The following BTBD9 variants were observed in gnomAD, a reference collection of about 807,000 sequenced individuals.
BTBD9 encodes BTB domain containing 9.
BTBD9 carries 49 observed loss-of-function variants against 64.3 expected under a neutral mutation model. The ratio of observed to expected loss-of-function variants is 0.76; its 90% CI spans 0.61 to 0.97. The LOEUF is 0.97. Among genes scored for constraint, BTBD9 ranks in the 50% least tolerant of loss-of-function variants. The pLI, the probability that BTBD9 is intolerant of heterozygous loss-of-function variation, is 0.00. For missense variants in BTBD9, 598 were observed against 762.1 expected (o/e 0.78, Z 2.53); for synonymous variants, 260 against 274.7 (o/e 0.95, Z 0.53).
At chr6:38,231,314 T>C (rs1413474298) in intron 9 of BTBD9, among the ~76,000 whole-genome samples, 2 of 152,182 alleles carry the variant, frequency 1.3e-5, no homozygotes, top group African/African-American at 4.8e-5. Flanking sequence ...AACACAGACA[T>C]GCTACTTAAA....
intron 6 of BTBD9, among the ~76,000 whole-genome samples, chr6:38,465,339 C>T (rs942861177): frequency 1.3e-5 from 2 of 150,720 alleles, no homozygotes; most frequent in Non-Finnish European, 3.0e-5. Context: ...GTACTCAGGC[C>T]GGGTGCGGTG....
intron 7 of BTBD9, among the ~76,000 whole-genome samples, chr6:38,308,380 G>A (rs1180218928): frequency 6.6e-6 from 1 of 152,122 alleles, no homozygotes; most frequent in African/African-American, 2.4e-5. Flanking sequence ...AACATAACGT[G>A]ATTTATACAA....
chr6:38,307,285 T>C (rs927304551), intron 7 of BTBD9, among the ~76,000 whole-genome samples: 4 of 152,202 alleles, frequency 2.6e-5, no homozygotes, highest in African/African-American at 9.6e-5. Flanking sequence ...CCATCTTTCT[T>C]GGAAACTATC....
chr6:38,330,563 T>C (rs1763636310), intron 7 of BTBD9, among the ~76,000 whole-genome samples: 1 of 151,292 alleles, frequency 6.6e-6, no homozygotes, highest in South Asian at 2.1e-4. Context: ...ACGCCATCTC[T>C]AAAAAAAAAT....
chr6:38,314,265 G>A (rs1762954429), intron 7 of BTBD9, among the ~76,000 whole-genome samples: 1 of 151,522 alleles, frequency 6.6e-6, no homozygotes, highest in Non-Finnish European at 1.5e-5. Context: ...GGGTGATCTC[G>A]GCTCACTGCA....
At chr6:38,577,829 A>C in intron 5 of BTBD9, 110 bp from the exon 6 acceptor site, 1 of 914,776 alleles carries the variant, frequency 1.1e-6, no homozygotes, top group Non-Finnish European at 1.6e-6. Flanking sequence ...TTCACTAATT[A>C]CATTTTCTAC....
At chr6:38,450,968 T>G (rs1769514611) in intron 6 of BTBD9, among the ~76,000 whole-genome samples, 1 of 152,216 alleles carries the variant, frequency 6.6e-6, no homozygotes, top group Non-Finnish European at 1.5e-5. Flanking sequence ...TCACTTTGTT[T>G]GTTGCCTCTG....
chr6:38,594,968 A>G (rs1776972448), intron 2 of BTBD9, among the ~76,000 whole-genome samples: 1 of 152,218 alleles, frequency 6.6e-6, no homozygotes, highest in African/African-American at 2.4e-5. Flanking sequence ...ATACTGAAAC[A>G]CTAGTAAAAA....
At chr6:38,230,629 C>T (rs767763985) in intron 9 of BTBD9, among the ~76,000 whole-genome samples, 19 of 151,730 alleles carry the variant, frequency 1.3e-4, no homozygotes, top group African/African-American at 4.1e-4. Context: ...CATATATGAT[C>T]GGAGATCTAC....
chr6:38,384,858 T>G (rs1766086035), intron 6 of BTBD9, among the ~76,000 whole-genome samples: 1 of 152,108 alleles, frequency 6.6e-6, no homozygotes, highest in East Asian at 1.9e-4. Flanking sequence ...TCTTTTAGCA[T>G]AAATAACAAC....
chr6:38,273,281 C>A (rs1353222295), intron 8 of BTBD9, among the ~76,000 whole-genome samples: 1 of 152,166 alleles, frequency 6.6e-6, no homozygotes, highest in African/African-American at 2.4e-5. Flanking sequence ...ATGTGGGGTG[C>A]ATTCCAAGAC....
intron 1 of BTBD9, among the ~76,000 whole-genome samples, chr6:38,602,186 A>AT (rs895806622): frequency 2.0e-5 from 3 of 152,138 alleles, no homozygotes; most frequent in Admixed American, 1.3e-4. Flanking sequence ...GAAAATAAGG[A>AT]TTTTTTTCAA....
At chr6:38,570,675 T>C (rs750597399) in intron 6 of BTBD9, among the ~76,000 whole-genome samples, 6 of 152,194 alleles carry the variant, frequency 3.9e-5, no homozygotes, top group Non-Finnish European at 5.9e-5. Context: ...TTAAAAAATA[T>C]ATATATTTGC....
chr6:38,280,248 C>T (rs1406137893), intron 8 of BTBD9, among the ~76,000 whole-genome samples: 2 of 152,174 alleles, frequency 1.3e-5, no homozygotes, highest in Admixed American at 6.5e-5. Flanking sequence ...ACTTCAGCAC[C>T]TACTGGGAAC....
chr6:38,417,853 T>C (rs1767745665), intron 6 of BTBD9, among the ~76,000 whole-genome samples: 1 of 151,718 alleles, frequency 6.6e-6, no homozygotes, highest in African/African-American at 2.4e-5. Context: ...AGTATATGAA[T>C]ATTAGTTTTA....
intron 6 of BTBD9, among the ~76,000 whole-genome samples, chr6:38,460,124 C>G (rs1466937794): frequency 6.6e-6 from 1 of 152,178 alleles, no homozygotes; most frequent in Admixed American, 6.5e-5. Context: ...ATTTTAACAC[C>G]TAAGTTAACA....
chr6:38,601,713 A>C (rs1017496165), intron 1 of BTBD9, among the ~76,000 whole-genome samples: 2 of 152,050 alleles, frequency 1.3e-5, no homozygotes, highest in Non-Finnish European at 2.9e-5. Flanking sequence ...AAGAAAGAAA[A>C]CCAAATTAAA....
At chr6:38,295,439 T>G (rs1412518920) in intron 7 of BTBD9, among the ~76,000 whole-genome samples, 1 of 152,200 alleles carries the variant, frequency 6.6e-6, no homozygotes, top group Non-Finnish European at 1.5e-5. Flanking sequence ...GTGCTGGGGT[T>G]ATAGGCATGA....
intron 9 of BTBD9, among the ~76,000 whole-genome samples, chr6:38,204,691 T>C (rs1483282279): frequency 6.6e-6 from 1 of 152,126 alleles, no homozygotes; most frequent in African/African-American, 2.4e-5. Flanking sequence ...AGTGGGTGAA[T>C]TGTATGGTAT....
Sources: gnomAD v4.1 joint callset for allele counts (sites outside exome capture counted in the v4.1 genomes callset) on GRCh38, gnomAD v4.1.1 for gene constraint, MANE v1.5 for transcripts, NCBI Gene and HGNC (gene_info 2026-07-23, HGNC 2026-07-21) for gene names.